MRTFB: variants seen among roughly 807,000 people sequenced by gnomAD.
MRTFB encodes myocardin-related transcription factor B.
MRTFB carries 29 observed loss-of-function variants against 104.2 expected under a neutral mutation model. That is an observed-to-expected ratio of 0.28 (90% CI 0.21 to 0.38). MRTFB has a LOEUF of 0.38. MRTFB is among the 10% of genes least tolerant of loss of function. The pLI, the probability that MRTFB is intolerant of heterozygous loss-of-function variation, is 1.00. For missense variants in MRTFB, 1,270 were observed against 1,341.6 expected, an observed-to-expected ratio of 0.95 and a Z score of 0.83; for synonymous variants, 535 against 519.5, an observed-to-expected ratio of 1.03 and a Z score of -0.41.
chr16:14,131,704 C>T (rs1395599427), intron 2 of MRTFB, among the ~76,000 whole-genome samples: 1 of 151,720 alleles, frequency 6.6e-6, no homozygotes, highest in East Asian at 1.9e-4. Flanking sequence ...AATTCAACAT[C>T]ATTAGTCATT....
intron 9 of MRTFB, among the ~76,000 whole-genome samples, chr16:14,238,848 GT>G (rs958681145): frequency 1.6e-4 from 25 of 152,316 alleles, no homozygotes; most frequent in African/African-American, 5.5e-4. Context: ...TTATTTACCA[GT>G]GTTTAAAAAT....
intron 3 of MRTFB, among the ~76,000 whole-genome samples, chr16:14,186,203 A>T (rs1385068933): frequency 6.6e-6 from 1 of 152,258 alleles, no homozygotes; most frequent in Admixed American, 6.5e-5. Flanking sequence ...CAGCTTTGCC[A>T]GGAAGAGGCA....
At chr16:14,025,272 T>C in the MRTFB span, among the ~76,000 whole-genome samples, 1 of 152,200 alleles carries the variant, frequency 6.6e-6, no homozygotes, top group Non-Finnish European at 1.5e-5. Context: ...CCTCGACCTG[T>C]CAGCCTCAAG....
At position 14,217,116 on chromosome 16, in the gene MRTFB, C is replaced by T. The variant is rs770919791; in HGVS notation, c.353-10C>T. 13 of 1,597,186 alleles carry T rather than the reference C, an allele frequency of 8.1e-6. No homozygotes were observed. The highest frequency in any genetic ancestry group is 2.2e-5 in the East Asian group (1 of 44,666). The stretch of plus-strand genomic sequence containing the variant: ...TCGAGTAATGGTTAAAACTGTGTTT[C>T]CTCTTTTAGAAACATTTGCAGAGCC... On this transcript the variant is annotated splice_polypyrimidine_tract_variant and intron_variant, in intron 6 of 16. Coordinates refer to ENST00000571589, the MANE Select transcript of MRTFB (RefSeq NM_001308142.2).
At chr16:14,087,941 A>G (rs550621275) in intron 2 of MRTFB, among the ~76,000 whole-genome samples, 3 of 152,294 alleles carry the variant, frequency 2.0e-5, no homozygotes, top group African/African-American at 7.2e-5. Flanking sequence ...CTCTCAGTTC[A>G]GTGCTTTTAA....
At chr16:14,169,463 T>C (rs548797277) in intron 3 of MRTFB, among the ~76,000 whole-genome samples, 1 of 152,332 alleles carries the variant, frequency 6.6e-6, no homozygotes, top group African/African-American at 2.4e-5. Flanking sequence ...AACCTCGTTT[T>C]TGTCTTTTAA....
At chr16:14,192,156 GA>G (rs1263468839) in intron 3 of MRTFB, among the ~76,000 whole-genome samples, 9 of 151,378 alleles carry the variant, frequency 5.9e-5, no homozygotes, top group African/African-American at 2.2e-4. Context: ...AGGATCACTT[GA>G]GCCCAGGAGT....
At chr16:14,145,024 T>C (rs1354408685) in intron 3 of MRTFB, among the ~76,000 whole-genome samples, 1 of 148,706 alleles carries the variant, frequency 6.7e-6, no homozygotes, top group African/African-American at 2.4e-5. Context: ...CTTTTGTCAG[T>C]TTCAAAATAA....
At chr16:14,016,989 G>A in the MRTFB span, among the ~76,000 whole-genome samples, 1 of 151,550 alleles carries the variant, frequency 6.6e-6, no homozygotes, top group East Asian at 1.9e-4. Context: ...GCATTTCTGA[G>A]ATGTAATCAT....
At chr16:14,194,720 T>A (rs1360992305) in intron 3 of MRTFB, among the ~76,000 whole-genome samples, 5 of 145,522 alleles carry the variant, frequency 3.4e-5, no homozygotes, top group South Asian at 2.2e-4. Context: ...TTTTTTTTTT[T>A]AATTATCTTG....
At chr16:14,052,159 G>A in the MRTFB span, among the ~76,000 whole-genome samples, 1 of 152,100 alleles carries the variant, frequency 6.6e-6, no homozygotes, top group African/African-American at 2.4e-5. Context: ...GGGTGCTGAT[G>A]TTTCCTTTGT....
At position 14,193,210 on chromosome 16, in the gene MRTFB, CAAAAAAAAA is replaced by C. The variant is rs10616011; in HGVS notation, c.155-17012_155-17004del. Reference sequence around the variant, plus strand: ...CCTGGGCAACAGTGAGACCCTGTCTCAAAAAAAAAAAAAAAAAAAAAAAAAAAAAGAATG... The same window carrying C: ...CCTGGGCAACAGTGAGACCCTGTCTCAAAAAAAAAAAAAAAAAAAAGAATG... On this transcript the variant is annotated intron_variant, in intron 3 of 16. Coordinates refer to ENST00000571589, the MANE Select transcript of MRTFB (RefSeq NM_001308142.2). Among the ~76,000 whole-genome samples the C allele has an allele frequency of 3.2e-4, 18 of 56,440 alleles. No individual in the cohort carries two copies. The South Asian group carries it at 9.6e-3, about 30-fold the overall frequency. 37.0% of individuals were successfully genotyped at this position (56,440 alleles called of 152,430 possible).
At position 14,218,855 on chromosome 16, in the gene MRTFB, G is replaced by A. The variant is rs752938315; in HGVS notation, c.550G>A (p.Asp184Asn). ...GGAGGACTATCCCCACACTCAGGGC[G>A]ATTTCTCATTTGATGAAGACAGCAG... ...GKEDYPHTQG[D>N]FSFDEDSSDA... Residue 184 changes from aspartate (D) to asparagine (N), a missense_variant, in exon 8 of 17, where the codon GAT (aspartate) becomes AAT (asparagine). Transcript: ENST00000571589. 32 of 1,612,732 alleles carry A rather than the reference G, an allele frequency of 2.0e-5. No homozygotes were observed. Among genetic ancestry groups the A allele is most frequent in the Non-Finnish European group, 2.4e-5 (28 of 1,179,394 alleles).
At chr16:14,053,552 G>A in the MRTFB span, among the ~76,000 whole-genome samples, 1 of 152,016 alleles carries the variant, frequency 6.6e-6, no homozygotes, top group African/African-American at 2.4e-5. Context: ...CCAACATGGT[G>A]AAACCCTGTC....
intron 2 of MRTFB, among the ~76,000 whole-genome samples, chr16:14,096,306 C>T (rs190095789): frequency 7.9e-5 from 12 of 152,234 alleles, no homozygotes; most frequent in Admixed American, 7.8e-4. Flanking sequence ...CTCCTGACCT[C>T]AAGTGATCTG....
At chr16:14,225,556 AAG>A in intron 8 of MRTFB, among the ~76,000 whole-genome samples, 1 of 152,322 alleles carries the variant, frequency 6.6e-6, no homozygotes, top group African/African-American at 2.4e-5. Context: ...AGGCCAAAGA[AAG>A]AGGCTGACAA....
the MRTFB span, among the ~76,000 whole-genome samples, chr16:14,064,032 G>A: frequency 2.6e-5 from 4 of 152,192 alleles, no homozygotes; most frequent in Non-Finnish European, 1.5e-5. Context: ...TCTGTTTTAA[G>A]TTCATTGAGA....
the MRTFB span, among the ~76,000 whole-genome samples, chr16:14,061,063 G>A: frequency 3.6e-4 from 55 of 152,122 alleles, no homozygotes; most frequent in African/African-American, 1.2e-3. Flanking sequence ...GGAGAATGGC[G>A]TGAACCTGGG....
the MRTFB span, among the ~76,000 whole-genome samples, chr16:14,048,086 G>A: frequency 6.6e-6 from 1 of 152,196 alleles, no homozygotes; most frequent in African/African-American, 2.4e-5. Flanking sequence ...CCAAATGGGA[G>A]AAATTGGCCA....
Sources: gnomAD v4.1 joint callset for allele counts (sites outside exome capture counted in the v4.1 genomes callset) on GRCh38, gnomAD v4.1.1 for gene constraint, MANE v1.5 for transcripts, NCBI Gene and HGNC (gene_info 2026-07-23, HGNC 2026-07-21) for gene names.